MTSS2: variants seen among roughly 807,000 people sequenced by gnomAD.
MTSS2 encodes the protein MTSS I-BAR domain containing 2, also known as protein MTSS 2.
A neutral mutation model predicts 67.1 loss-of-function variants in MTSS2; 27 were observed. That is an observed-to-expected ratio of 0.40 (90% CI 0.30 to 0.55). The LOEUF is 0.55. Among genes scored for constraint, MTSS2 ranks in the 20% least tolerant of loss-of-function variants. The probability of loss-of-function intolerance (pLI) is 0.43; values close to 1 mark genes in which losing one functional copy is unlikely to be tolerated. For missense variants in MTSS2, 1,171 were observed against 1,067.8 expected, an observed-to-expected ratio of 1.10 and a Z score of -1.35; for synonymous variants, 624 against 468.6, an observed-to-expected ratio of 1.33 and a Z score of -4.28.
rs1453556257 is a variant in MTSS2 at position 70,673,669 on chromosome 16, T to C, written c.1053+637A>G. Among the ~76,000 whole-genome samples, 5 of 152,078 alleles carry C rather than the reference T, an allele frequency of 3.3e-5. 1 individual carries two copies. The East Asian group carries it at 9.6e-4, about 29-fold the overall frequency. On this transcript the variant is annotated intron_variant, in intron 11 of 14. Transcript: ENST00000338779. Reference sequence around the variant, plus strand: ...TAACATATGGGTAAATCTAAATAAGTACTGTATGTATAAAATAAAGAAATT... The same window carrying C: ...TAACATATGGGTAAATCTAAATAAGCACTGTATGTATAAAATAAAGAAATT...
chr16:70,671,792 C>T (rs1018767999), intron 11 of MTSS2, among the ~76,000 whole-genome samples: 9 of 152,186 alleles, frequency 5.9e-5, no homozygotes, highest in African/African-American at 2.2e-4. Context: ...TGAACATCAG[C>T]AGTCACACGA....
intron 11 of MTSS2, among the ~76,000 whole-genome samples, chr16:70,666,782 C>T (rs1368161445): frequency 6.6e-6 from 1 of 152,182 alleles, no homozygotes; most frequent in African/African-American, 2.4e-5. Context: ...AACACTTGCT[C>T]ATGAAAAACA....
chr16:70,681,474 G>A (rs557157479), intron 1 of MTSS2, among the ~76,000 whole-genome samples: 26 of 152,362 alleles, frequency 1.7e-4, no homozygotes, highest in Admixed American at 6.5e-4. Context: ...ACAGTGTGGA[G>A]GGTAGGGGGT....
chr16:70,677,502 GA>G (rs1417934618), intron 9 of MTSS2, among the ~76,000 whole-genome samples: 1 of 152,140 alleles, frequency 6.6e-6, no homozygotes, highest in Admixed American at 6.5e-5. Flanking sequence ...GGTTCGGCAG[GA>G]GGTCTGCCCA....
chr16:70,668,878 G>T (rs924623081), intron 11 of MTSS2, among the ~76,000 whole-genome samples: 1 of 152,112 alleles, frequency 6.6e-6, no homozygotes, highest in Non-Finnish European at 1.5e-5. Flanking sequence ...CATTTCTGTA[G>T]TCTAAGCCAC....
chr16:70,664,693 T>G lies in MTSS2; in HGVS notation c.1376A>C (p.His459Pro), dbSNP rs1413066855. Reference protein sequence around the residue: ...MVLTRGLSLEHQKSSRDSLQY... With the variant: ...MVLTRGLSLEPQKSSRDSLQY... ...CAGCGAGTCCCGGCTGCTCTTCTGG[T>G]GCTCCAGGCTCAGGCCCCGCGTCAG... Residue 459 changes from histidine (H) to proline (P), a missense_variant, in exon 14 of 15, where the codon CAC becomes CCC. By Grantham distance (77) the His-to-Pro change is moderately conservative. Around this residue, in one of 2 missense-constraint regions of MTSS2, gnomAD observed 924 missense variants for 756.0 expected, o/e 1.22. Transcript: ENST00000338779. The G allele has an allele frequency of 2.5e-6, 4 of 1,613,186 alleles. No individual in the cohort carries two copies. Among genetic ancestry groups the G allele is most frequent in the Non-Finnish European group, 3.4e-6 (4 of 1,179,866 alleles).
At chr16:70,684,021 G>A (rs955497238) in intron 1 of MTSS2, among the ~76,000 whole-genome samples, 7 of 152,238 alleles carry the variant, frequency 4.6e-5, no homozygotes, top group Admixed American at 2.6e-4. Context: ...TGAACCTCTT[G>A]CTATGATCTG....
At position 70,665,742 on chromosome 16, in the gene MTSS2, G is replaced by A. The variant is rs143404067; in HGVS notation, c.1054-202C>T. 3,424 of 509,558 alleles carry A rather than the reference G, an allele frequency of 6.7e-3. 15 individuals are homozygous for A. Among genetic ancestry groups the A allele is most frequent in the Non-Finnish European group, 9.3e-3 (2,682 of 287,610 alleles). The allele number at this position is 509,558 out of a possible 1,614,324, so 31.6% of individuals were successfully genotyped here. A position where few individuals can be genotyped will look rare whatever the true frequency, so the allele number is the denominator to read the frequency against. On this transcript the variant is annotated intron_variant, in intron 11 of 14. Coordinates refer to ENST00000338779, the MANE Select transcript of MTSS2 (RefSeq NM_138383.3). The stretch of plus-strand genomic sequence containing the variant: ...GCACACAGCAGCCCAGAGTGCACAC[G>A]GTGAACGCTGACCCACCTGACAGCC...
intron 4 of MTSS2, 38 bp downstream of exon 4, chr16:70,679,933 T>A (rs1024899489): frequency 9.6e-6 from 11 of 1,149,226 alleles, no homozygotes; most frequent in Non-Finnish European, 1.4e-5. Flanking sequence ...CGACGCCCCG[T>A]CCCCCCGCCC....
chr16:70,679,559 C>T, intron 6 of MTSS2, 71 bp downstream of exon 6: 4 of 1,460,598 alleles, frequency 2.7e-6, no homozygotes, highest in Non-Finnish European at 3.7e-6. Context: ...GGCTTTGGGG[C>T]GCCCCACGGG....
Position 70,680,917 on chromosome 16 carries a change from G to GGC in MTSS2, c.131+45_131+46dup. ...ATGGTCGGTGGTTGGGCGGGGGGGG[G>GGC]GCCTCTGCCTGCCCCTCCCCTGCTG... On this transcript the variant is annotated intron_variant, in intron 2 of 14. Transcript: ENST00000338779. 3.4e-6 allele frequency: 4 copies of GGC among 1,168,276 alleles called. 1 individual carries two copies. Among genetic ancestry groups the GGC allele is most frequent in the Admixed American group, 2.0e-5 (1 of 49,680 alleles). The allele number at this position is 1,168,276 out of a possible 1,614,324, so 72.4% of individuals were successfully genotyped here. A position where few individuals can be genotyped will look rare whatever the true frequency, so the allele number is the denominator to read the frequency against.
chr16:70,682,455 TA>T (rs2053331508), intron 1 of MTSS2, among the ~76,000 whole-genome samples: 1 of 151,996 alleles, frequency 6.6e-6, no homozygotes, highest in African/African-American at 2.4e-5. Flanking sequence ...GAGAAGTTGC[TA>T]GGGGTGGAGG....
rs2052601658 is a variant in MTSS2 at position 70,664,123 on chromosome 16, C to T, written c.1798G>A (p.Asp600Asn). 1 of 1,611,210 alleles carries T rather than the reference C, an allele frequency of 6.2e-7. No individual in the cohort carries two copies. Among genetic ancestry groups the T allele is most frequent in the African/African-American group, 1.3e-5 (1 of 75,040 alleles). The change falls in exon 15 of 15, where the codon GAC (aspartate) becomes AAC (asparagine). Residue 600 changes from aspartate to asparagine, a missense_variant. This residue lies in a region of MTSS2 where 924 missense variants were observed against 756.0 expected (regional missense o/e 1.22). Coordinates refer to ENST00000338779, the MANE Select transcript of MTSS2 (RefSeq NM_138383.3). ...GTGGGCCCCATGTAGCCGGGGGAGT[C>T]AGGCACCGTGGGCGTCTTCACAGGG... ...IVPVKTPTVP[D>N]SPGYMGPTRA...
rs2053432201 is a variant in MTSS2 at position 70,685,653 on chromosome 16, C to A, written c.69+70G>T. ...GCGCGGCCACACGAGGCTCGGCCAC[C>A]CGCCGCCACGCGTCCCCGGGGGGTC... On this transcript the variant is annotated intron_variant, in intron 1 of 14. Coordinates refer to ENST00000338779, the MANE Select transcript of MTSS2 (RefSeq NM_138383.3). 23 of 989,184 alleles carry A rather than the reference C, an allele frequency of 2.3e-5. 2 individuals carry two copies. The South Asian group carries it at 1.0e-3, about 44-fold the overall frequency. 61.3% of individuals were successfully genotyped at this position (989,184 alleles called of 1,614,324 possible).
At chr16:70,666,956 G>T (rs753818623) in intron 11 of MTSS2, among the ~76,000 whole-genome samples, 2 of 152,088 alleles carry the variant, frequency 1.3e-5, no homozygotes, top group African/African-American at 4.8e-5. Context: ...GCAAGGAAAA[G>T]AAATAAAAAA....
rs2052567291 is a variant in MTSS2 at position 70,663,451 on chromosome 16, C to G, written c.*226G>C. ...GGGACCGAAGAGCATAAAACAGACC[C>G]CGAACCAGGCCCAGGCCTGCAGGCT... On this transcript the variant is annotated 3_prime_UTR_variant, in exon 15 of 15. Coordinates refer to ENST00000338779, the MANE Select transcript of MTSS2 (RefSeq NM_138383.3). 1 of 788,638 alleles carries G rather than the reference C, an allele frequency of 1.3e-6. No individual in the cohort carries two copies. The highest frequency in any genetic ancestry group is 1.9e-6 in the Non-Finnish European group (1 of 526,482). 48.9% of individuals were successfully genotyped at this position (788,638 alleles called of 1,614,324 possible).
In MTSS2 at chr16:70,664,015, T is replaced by G. The variant is rs375947253; in HGVS notation, c.1906A>C (p.Lys636Gln). Residue 636 changes from lysine (K) to glutamine (Q), a missense_variant, in exon 15 of 15, where the codon AAG becomes CAG. Lys to Gln is a moderately conservative substitution (Grantham distance 53). This residue lies in a region of MTSS2 where 924 missense variants were observed against 756.0 expected (regional missense o/e 1.22). Transcript: ENST00000338779. ...GCTGTGTTGGGCAGGCTGAGCCTCTTTGGGGAGGCCTTGGCGAGGTCCGGT... is the reference window on the plus strand; with the variant it reads ...GCTGTGTTGGGCAGGCTGAGCCTCTGTGGGGAGGCCTTGGCGAGGTCCGGT... ...LAPDLAKASP[K>Q]RLSLPNTAWG... The G allele has an allele frequency of 1.2e-6, 2 of 1,604,476 alleles. No homozygotes were observed. The highest frequency in any genetic ancestry group is 8.5e-7 in the Non-Finnish European group (1 of 1,176,442).
In MTSS2 at chr16:70,677,985, C is replaced by T. The variant is rs188175830; in HGVS notation, c.625-86G>A. ...CCCCTGGAGAAGCAGCAGCCCTTGT[C>T]GGGCCTCTCCTCTCTCACCCCTCCT... is the stretch of plus-strand genomic sequence containing the variant. On this transcript the variant is annotated intron_variant, in intron 8 of 14. Transcript: ENST00000338779. The T allele has an allele frequency of 9.6e-4, 1,134 of 1,176,940 alleles. 12 individuals carry two copies. In the African/African-American group the frequency reaches 0.015, roughly 15 times the overall value. 72.9% of individuals were successfully genotyped at this position (1,176,940 alleles called of 1,614,324 possible).
chr16:70,682,684 A>C (rs1215875321), intron 1 of MTSS2, among the ~76,000 whole-genome samples: 3 of 139,700 alleles, frequency 2.1e-5, no homozygotes, highest in African/African-American at 7.9e-5. Flanking sequence ...AAAGGACCCC[A>C]GAGACAAAGA....
Sources: gnomAD v4.1 joint callset for allele counts (sites outside exome capture counted in the v4.1 genomes callset) on GRCh38, gnomAD v4.1.1 for gene constraint, gnomAD v4.1.1 regional missense constraint, MANE v1.5 for transcripts, NCBI Gene and HGNC (gene_info 2026-07-23, HGNC 2026-07-21) for gene names.